The following SMG6 variants were observed in gnomAD, a reference collection of about 807,000 sequenced individuals.
SMG6 encodes the protein telomerase-binding protein EST1A.
Under a neutral mutation model 142.2 loss-of-function variants are expected in SMG6, and 66 were observed. The observed-to-expected ratio is 0.46, with a 90% CI of 0.38 to 0.57. The LOEUF (loss-of-function observed/expected upper bound fraction) is 0.57, where lower values mean the gene tolerates loss of function less well. SMG6 is among the 20% of genes least tolerant of loss of function. SMG6 has a pLI of 0.00. For missense variants in SMG6, 1,793 were observed against 1,832.0 expected (o/e 0.98, Z 0.39); for synonymous variants, 779 against 702.4 (o/e 1.11, Z -1.72).
rs114974808 is a variant in SMG6 at position 2,147,433 on chromosome 17, T to C, written c.3357+25225A>G. Among the ~76,000 whole-genome samples, 1,501 of 152,102 alleles carry C rather than the reference T, an allele frequency of 9.9e-3. 29 individuals are homozygous for C. Among genetic ancestry groups the C allele is most frequent in the African/African-American group, 0.033 (1,379 of 41,466 alleles). On this transcript the variant is annotated intron_variant, in intron 13 of 18. Transcript: ENST00000263073. ...GGTTATAGGCCACACAAGTAGCTTA[T>C]AGCAAGTTAGGATCAGAGCCTAGGT...
rs1019609409 is a variant in SMG6 at position 2,130,185 on chromosome 17, G to A, written c.3357+42473C>T. Among the ~76,000 whole-genome samples, 8 of 144,988 alleles carry A rather than the reference G, an allele frequency of 5.5e-5. No individual in the cohort carries two copies. The Admixed American group carries it at 5.9e-4, about 11-fold the overall frequency. ...TGAGGCAGGAGAATGGCGTGAACCC[G>A]GGAAGCGGAGCTTGCAGTGAGCCGA... On this transcript the variant is annotated intron_variant, in intron 13 of 18. Transcript: ENST00000263073.
chr17:2,123,282 A>G (rs1357637333), intron 13 of SMG6, among the ~76,000 whole-genome samples: 3 of 152,110 alleles, frequency 2.0e-5, no homozygotes, highest in African/African-American at 7.2e-5. Flanking sequence ...GGAGGAGTAG[A>G]CCCAGGGGTG....
Position 2,172,805 on chromosome 17 carries a change from T to C in SMG6, c.3210A>G (p.Ala1070=). The C allele has an allele frequency of 3.1e-6, 5 of 1,614,142 alleles. No homozygotes were observed. The highest frequency in any genetic ancestry group is 4.2e-6 in the Non-Finnish European group (5 of 1,180,014). ...ACAGTGGCACCTCAGACTGATTCAC[T>C]GCAGTCAGTATGTTACAGAAATCAG... The part of the protein sequence containing the change: ...TLADFCNILT[A]VNQSEVPLYK... The change falls in exon 13 of 19, where the codon GCA becomes GCG. Residue 1070 remains alanine (A), a synonymous_variant. Coordinates refer to ENST00000263073, the MANE Select transcript of SMG6 (RefSeq NM_017575.5).
At chr17:2,149,558 GT>G (rs1421599111) in intron 13 of SMG6, among the ~76,000 whole-genome samples, 5 of 152,178 alleles carry the variant, frequency 3.3e-5, no homozygotes, top group Non-Finnish European at 7.3e-5. Flanking sequence ...AAAGCTACCA[GT>G]GAACGAAGGG....
chr17:2,165,809 G>A (rs1001822924), intron 13 of SMG6, among the ~76,000 whole-genome samples: 2 of 152,132 alleles, frequency 1.3e-5, no homozygotes, highest in African/African-American at 4.8e-5. Flanking sequence ...GGAGGCTGAG[G>A]GGGGAGGATC....
intron 6 of SMG6, among the ~76,000 whole-genome samples, chr17:2,287,091 C>G (rs2074924457): frequency 6.6e-6 from 1 of 152,072 alleles, no homozygotes. Context: ...GCCACTGCGC[C>G]TGGCTAATTT....
rs547739494 is a variant in SMG6, at chr17:2,080,640, C to T, written c.3681+1170G>A. Among the ~76,000 whole-genome samples, 10 of 144,298 alleles carry T rather than the reference C, an allele frequency of 6.9e-5. No individual in the cohort carries two copies. The South Asian group carries it at 2.2e-3, about 32-fold the overall frequency. The allele number at this position is 144,298 out of a possible 152,430, so 94.7% of individuals were successfully genotyped here. On this transcript the variant is annotated intron_variant, in intron 15 of 18. Coordinates refer to ENST00000263073, the MANE Select transcript of SMG6 (RefSeq NM_017575.5). ...TGCTATTAGCACTTTTTTCTTTTTTCTTTTTTTTTTTTTGAGATGGAGTCT... is the reference window on the plus strand; with the variant it reads ...TGCTATTAGCACTTTTTTCTTTTTTTTTTTTTTTTTTTTGAGATGGAGTCT...
intron 13 of SMG6, among the ~76,000 whole-genome samples, chr17:2,104,357 A>C (rs1316590657): frequency 2.6e-5 from 4 of 152,124 alleles, no homozygotes; most frequent in Admixed American, 2.0e-4. Flanking sequence ...CAGCTTCCCA[A>C]ATTGCTGGGA....
intron 13 of SMG6, among the ~76,000 whole-genome samples, chr17:2,112,733 G>C (rs1321890299): frequency 6.7e-6 from 1 of 148,260 alleles, no homozygotes; most frequent in Non-Finnish European, 1.5e-5. Context: ...AACAATAAAA[G>C]CCAGGTGTAA....
At chr17:2,112,544 TAA>T (rs1419390610) in intron 13 of SMG6, among the ~76,000 whole-genome samples, 21 of 147,488 alleles carry the variant, frequency 1.4e-4, no homozygotes, top group Non-Finnish European at 2.5e-4. Context: ...AATAAATAAA[TAA>T]ATAAATAAAT....
intron 18 of SMG6, 123 bp from the exon 19 acceptor site, chr17:2,061,745 T>A: frequency 8.7e-7 from 1 of 1,147,386 alleles, no homozygotes; most frequent in Non-Finnish European, 1.2e-6. Context: ...TCTTGGCTCT[T>A]CTACCAGTCC....
In SMG6 at chr17:2,085,988, G is replaced by A; in HGVS notation, c.3358-87C>T. 2 of 1,363,774 alleles carry A rather than the reference G, an allele frequency of 1.5e-6. No homozygotes were observed. Among genetic ancestry groups the A allele is most frequent in the East Asian group, 4.6e-5 (2 of 43,676 alleles). 84.5% of individuals were successfully genotyped at this position (1,363,774 alleles called of 1,614,324 possible). ...TGTTGCTTGCCGGCTGAGGGGCACAGGGGAACTGTGTCAAAGCTACCAGGC... is the reference window on the plus strand; with the variant it reads ...TGTTGCTTGCCGGCTGAGGGGCACAAGGGAACTGTGTCAAAGCTACCAGGC... On this transcript the variant is annotated intron_variant, in intron 13 of 18. Transcript: ENST00000263073. This position sits in a 1 kb window ranked among gnomAD's most constrained non-coding sequence, Gnocchi z 4.1.
chr17:2,229,617 T>C (rs991918203), intron 10 of SMG6, among the ~76,000 whole-genome samples: 5 of 152,278 alleles, frequency 3.3e-5, no homozygotes, highest in African/African-American at 7.2e-5. Flanking sequence ...AAAACACATA[T>C]GCAGTAACTA....
At chr17:2,089,749 G>A (rs2068661287) in intron 13 of SMG6, 1 of 152,108 alleles carries the variant, frequency 6.6e-6, no homozygotes, top group African/African-American at 2.4e-5. Context: ...GTTCCTTAGA[G>A]AGAGATAATG....
intron 10 of SMG6, among the ~76,000 whole-genome samples, chr17:2,209,125 C>T (rs1346588714): frequency 6.6e-6 from 1 of 152,222 alleles, no homozygotes; most frequent in Non-Finnish European, 1.5e-5. Flanking sequence ...GATCACACCA[C>T]TGCATTCCAA....
At chr17:2,146,593 T>G (rs1404364005) in intron 13 of SMG6, among the ~76,000 whole-genome samples, 1 of 152,200 alleles carries the variant, frequency 6.6e-6, no homozygotes, top group Non-Finnish European at 1.5e-5. Context: ...CAGGCTACAG[T>G]GCGGTGGCGT....
chr17:2,282,673 C>T lies in SMG6; in HGVS notation c.2635G>A (p.Gly879Arg). The T allele has an allele frequency of 6.2e-7, 1 of 1,614,096 alleles. No individual in the cohort carries two copies. The highest frequency in any genetic ancestry group is 8.5e-7 in the Non-Finnish European group (1 of 1,180,004). The change falls in exon 8 of 19, where the codon GGG becomes AGG. Residue 879 changes from glycine (G) to arginine (R), a missense_variant. This residue lies in a region of SMG6 where 1,597 missense variants were observed against 1,584.6 expected (regional missense o/e 1.01). Coordinates refer to ENST00000263073, the MANE Select transcript of SMG6 (RefSeq NM_017575.5). ...ESGKDSEQEN[G>R]LGSLSPSDLN... ...TCACTGGGACTCAGGCTGCCCAGCC[C>T]ATTCTCTTGCTCAGAATCCTTCCCA...
At chr17:2,295,867 C>A (rs1442514856) in intron 4 of SMG6, among the ~76,000 whole-genome samples, 1 of 152,210 alleles carries the variant, frequency 6.6e-6, no homozygotes, top group African/African-American at 2.4e-5. Context: ...GGACTACCAG[C>A]TGGGAGATGA....
At chr17:2,206,801 T>C (rs1218421491) in intron 10 of SMG6, among the ~76,000 whole-genome samples, 2 of 151,682 alleles carry the variant, frequency 1.3e-5, no homozygotes, top group African/African-American at 2.4e-5. Context: ...GGCAGGAGAA[T>C]TGCTTGAACC....
Sources: allele counts gnomAD v4.1 joint callset (sites outside exome capture counted in the v4.1 genomes callset), GRCh38; gene constraint gnomAD v4.1.1; regional missense constraint gnomAD v4.1.1; non-coding constraint Gnocchi (gnomAD v3.1); transcripts MANE v1.5; gene names NCBI Gene and HGNC (gene_info 2026-07-23, HGNC 2026-07-21).